Variants in LMO3 observed in about 807,000 individuals in gnomAD.
LMO3 encodes LIM domain only protein 3.
In LMO3, 2 loss-of-function variants were observed where a neutral mutation model predicts 15.8. The observed-to-expected ratio is 0.13, with a 90% CI of 0.05 to 0.40. The LOEUF (loss-of-function observed/expected upper bound fraction) is 0.40. LMO3 is among the 10% of genes least tolerant of loss of function. The pLI is 0.99. For missense variants in LMO3, 86 were observed against 182.2 expected (o/e 0.47, Z 3.04); for synonymous variants, 62 against 63.8 (o/e 0.97, Z 0.13).
At chr12:16,551,511 T>G (rs1457684068) in intron 3 of LMO3, among the ~76,000 whole-genome samples, 184 bp from the exon 4 acceptor site, 1 of 151,986 alleles carries the variant, frequency 6.6e-6, no homozygotes, top group Non-Finnish European at 1.5e-5. Context: ...AATGAAATGT[T>G]GCACACATTT....
chr12:16,573,607 C>G (rs1942896064), intron 2 of LMO3: 1 of 152,094 alleles, frequency 6.6e-6, no homozygotes, highest in South Asian at 2.1e-4. Flanking sequence ...AGAATCAATC[C>G]CATGAAAGCA....
chr12:16,579,889 T>G (rs1268405661), intron 2 of LMO3, among the ~76,000 whole-genome samples: 1 of 152,220 alleles, frequency 6.6e-6, no homozygotes, highest in East Asian at 1.9e-4. Context: ...CATTGTTATT[T>G]ATACCCACTA....
chr12:16,583,110 T>C (rs1337099427), intron 2 of LMO3, among the ~76,000 whole-genome samples: 1 of 151,542 alleles, frequency 6.6e-6, no homozygotes, highest in African/African-American at 2.4e-5. Flanking sequence ...AGAAAGCTTT[T>C]AAAGAGAATA....
rs78062402 is a variant in LMO3 at position 16,604,929 on chromosome 12, T to C, written c.-9+1137A>G. Reference sequence around the variant, plus strand: ...GTGTCTGAGTTGCAGCAGCTTCGCATTGAGCACCAAACCCAAAGGTAGAAG... The same window carrying C: ...GTGTCTGAGTTGCAGCAGCTTCGCACTGAGCACCAAACCCAAAGGTAGAAG... On this transcript the variant is annotated intron_variant, in intron 1 of 3. Transcript: ENST00000537304. The surrounding 1 kb of genome is among the most constrained non-coding windows in gnomAD (Gnocchi z 5.3). 0.096 allele frequency: 154,187 copies of C among 1,598,302 alleles called. 8,284 individuals are homozygous for C. Among genetic ancestry groups the C allele is most frequent in the Non-Finnish European group, 0.11 (132,626 of 1,179,704 alleles).
chr12:16,552,569 G>GTAGA (rs1218570349), intron 3 of LMO3, among the ~76,000 whole-genome samples: 2 of 152,028 alleles, frequency 1.3e-5, no homozygotes, highest in African/African-American at 4.8e-5. Flanking sequence ...TACTAGCTAA[G>GTAGA]TAGATAGAGA....
intron 3 of LMO3, among the ~76,000 whole-genome samples, chr12:16,558,360 G>A (rs1326232066): frequency 6.6e-6 from 1 of 151,950 alleles, no homozygotes; most frequent in Non-Finnish European, 1.5e-5. Context: ...AAGTAGAAAA[G>A]CAATGACTTT....
chr12:16,553,941 C>G (rs988842996), intron 3 of LMO3, among the ~76,000 whole-genome samples: 2 of 151,316 alleles, frequency 1.3e-5, no homozygotes, highest in African/African-American at 4.9e-5. Context: ...GCTACAATTA[C>G]TAAAAATAAA....
chr12:16,576,448 T>TC lies in LMO3; in HGVS notation c.207-15911dup, dbSNP rs1347213606. Among the ~76,000 whole-genome samples, 1 of 152,226 alleles carries TC rather than the reference T, an allele frequency of 6.6e-6. No individual in the cohort carries two copies. The highest frequency in any genetic ancestry group is 1.5e-5 in the Non-Finnish European group (1 of 68,046). ...CTGGAAGACTACTGCTGCTTTTTTT[T>TC]CATATTCAGATCAAATGTCAATGGA... On this transcript the variant is annotated intron_variant, in intron 2 of 3. Coordinates refer to ENST00000537304, the MANE Select transcript of LMO3 (RefSeq NM_018640.5). This position sits in a 1 kb window ranked among gnomAD's most constrained non-coding sequence, Gnocchi z 4.1.
chr12:16,601,975 ACAT>A (rs1420057001), intron 1 of LMO3: 7 of 152,188 alleles, frequency 4.6e-5, no homozygotes, highest in African/African-American at 1.2e-4. Flanking sequence ...AGTACTGCAG[ACAT>A]CATCAATTCC....
In LMO3 at chr12:16,586,572, CAA is replaced by C. The variant is rs1943328191; in HGVS notation, c.206+14081_206+14082del. Among the ~76,000 whole-genome samples, 1 of 152,158 alleles carries C rather than the reference CAA, an allele frequency of 6.6e-6. No individual in the cohort carries two copies. Among genetic ancestry groups the C allele is most frequent in the African/African-American group, 2.4e-5 (1 of 41,434 alleles). On this transcript the variant is annotated intron_variant, in intron 2 of 3. Transcript: ENST00000537304. This position sits in a 1 kb window ranked among gnomAD's most constrained non-coding sequence, Gnocchi z 4.3. The stretch of plus-strand genomic sequence containing the variant: ...CCAACTGAATTCTGGAGGACATATG[CAA>C]AGACACTGCATTTCATCTTTGGACG...
Position 16,600,694 on chromosome 12 carries a change from G to C in LMO3, c.167C>G (p.Thr56Ser), listed in dbSNP as rs764693186. ...GCGACAAAGGATAAGATTAGCTTTA[G>C]TGTACAGGGTGGAGCCCACCTCTCC... Reference protein sequence around the residue: ...RLGEVGSTLYTKANLILCRRD... With the variant: ...RLGEVGSTLYSKANLILCRRD... The change falls in exon 2 of 4, where the codon ACT becomes AGT. Residue 56 changes from threonine (T) to serine (S), a missense_variant. By Grantham distance (58) the Thr-to-Ser change is moderately conservative. Coordinates refer to ENST00000537304, the MANE Select transcript of LMO3 (RefSeq NM_018640.5). 1.2e-6 allele frequency: 2 copies of C among 1,613,996 alleles called. No homozygotes were observed. The highest frequency in any genetic ancestry group is 2.7e-5 in the African/African-American group (2 of 74,928).
At chr12:16,571,777 G>C (rs150029188) in intron 2 of LMO3, among the ~76,000 whole-genome samples, 1 of 151,980 alleles carries the variant, frequency 6.6e-6, no homozygotes, top group Non-Finnish European at 1.5e-5. Context: ...TCTAATCAAA[G>C]TGTAACTGGA....
At chr12:16,567,031 C>T (rs958350826) in intron 2 of LMO3, among the ~76,000 whole-genome samples, 1 of 152,104 alleles carries the variant, frequency 6.6e-6, no homozygotes. Flanking sequence ...CCCATCTCTA[C>T]TAAAAATATG....
intron 2 of LMO3, among the ~76,000 whole-genome samples, chr12:16,563,051 C>A (rs1942457049): frequency 6.6e-6 from 1 of 152,196 alleles, no homozygotes; most frequent in Non-Finnish European, 1.5e-5. Context: ...TTCTTCCACG[C>A]ACTTTCCCTG....
rs1943200894 is a variant in LMO3 at position 16,582,800 on chromosome 12, C to T, written c.206+17855G>A. ...CGGTGGCCCATGCCTGTAATCCCAG[C>T]ACTTTGGGAGGCCAAATTGAGTGGA... On this transcript the variant is annotated intron_variant, in intron 2 of 3. Coordinates refer to ENST00000537304, the MANE Select transcript of LMO3 (RefSeq NM_018640.5). The surrounding 1 kb of genome is among the most constrained non-coding windows in gnomAD (Gnocchi z 4.1). Among the ~76,000 whole-genome samples the T allele has an allele frequency of 6.6e-6, 1 of 152,294 alleles. No individual in the cohort carries two copies. Among genetic ancestry groups the T allele is most frequent in the Admixed American group, 6.5e-5 (1 of 15,302 alleles).
rs186631215 is a variant in LMO3, at chr12:16,576,540, T to C, written c.207-16002A>G. On this transcript the variant is annotated intron_variant, in intron 2 of 3. Transcript: ENST00000537304. This position sits in a 1 kb window ranked among gnomAD's most constrained non-coding sequence, Gnocchi z 4.1. ...CACACTTCTTTAGACATTTAAGCACTTGTTTTCATATACTACTTCATCTTT... is the reference window on the plus strand; with the variant it reads ...CACACTTCTTTAGACATTTAAGCACCTGTTTTCATATACTACTTCATCTTT... 3.3e-5 allele frequency among the ~76,000 whole-genome samples: 5 copies of C among 152,336 alleles called. No individual in the cohort carries two copies. The East Asian group carries it at 5.8e-4, about 18-fold the overall frequency.
intron 2 of LMO3, among the ~76,000 whole-genome samples, chr12:16,568,869 T>G (rs2137414852): frequency 6.6e-6 from 1 of 152,326 alleles, no homozygotes; most frequent in Admixed American, 6.5e-5. Flanking sequence ...CAAAATTTTC[T>G]AACTGAAATC....
rs1477132749 is a variant in LMO3, at chr12:16,603,094, A to AC, written c.-8-2227dup. Among the ~76,000 whole-genome samples, 12 of 152,188 alleles carry AC rather than the reference A, an allele frequency of 7.9e-5. No homozygotes were observed. The highest frequency in any genetic ancestry group is 7.9e-4 in the Admixed American group (12 of 15,278). The stretch of plus-strand genomic sequence containing the variant: ...GCTGTTTTATTCAAAATGCTTTGCA[A>AC]CCAAGACAGGGGATACCAACATTTG... On this transcript the variant is annotated intron_variant, in intron 1 of 3. Transcript: ENST00000537304. This position sits in a 1 kb window ranked among gnomAD's most constrained non-coding sequence, Gnocchi z 4.9.
rs1019439132 is a variant in LMO3 at position 16,587,355 on chromosome 12, A to G, written c.206+13300T>C. On this transcript the variant is annotated intron_variant, in intron 2 of 3. Coordinates refer to ENST00000537304, the MANE Select transcript of LMO3 (RefSeq NM_018640.5). The surrounding 1 kb of genome is among the most constrained non-coding windows in gnomAD (Gnocchi z 4.3). ...GTAAGTAACTGTTTAAAAATTCCAA[A>G]GCATTCTTAAAACGTTTCACTTAAA... Among the ~76,000 whole-genome samples the G allele has an allele frequency of 1.3e-5, 2 of 152,198 alleles. No individual in the cohort carries two copies. The highest frequency in any genetic ancestry group is 4.8e-5 in the African/African-American group (2 of 41,464).
Sources: allele counts gnomAD v4.1 joint callset (sites outside exome capture counted in the v4.1 genomes callset), GRCh38; gene constraint gnomAD v4.1.1; non-coding constraint Gnocchi (gnomAD v3.1); transcripts MANE v1.5; gene names NCBI Gene and HGNC (gene_info 2026-07-23, HGNC 2026-07-21).